MAP3K20: variants seen among roughly 807,000 people sequenced by gnomAD.
MAP3K20 encodes the protein mitogen-activated protein kinase kinase kinase 20.
MAP3K20 carries 40 observed loss-of-function variants against 85.7 expected under a neutral mutation model. That is an observed-to-expected ratio of 0.47 (90% CI 0.36 to 0.61). The LOEUF (loss-of-function observed/expected upper bound fraction) is 0.61, where lower values mean the gene tolerates loss of function less well. Among genes scored for constraint, MAP3K20 ranks in the 20% least tolerant of loss-of-function variants. MAP3K20 has a pLI of 0.00. For synonymous variants in MAP3K20, 325 were observed against 327.7 expected (o/e 0.99, Z 0.09); for missense variants, 817 against 961.7 (o/e 0.85, Z 1.99).
intron 2 of MAP3K20, among the ~76,000 whole-genome samples, chr2:173,121,727 C>T (rs941512510): frequency 6.6e-6 from 1 of 152,098 alleles, no homozygotes; most frequent in Admixed American, 6.6e-5. Context: ...CTATTCCATT[C>T]AGCATGGATG....
intron 19 of MAP3K20, among the ~76,000 whole-genome samples, chr2:173,265,335 T>G (rs1685395383): frequency 6.6e-6 from 1 of 152,242 alleles, no homozygotes; most frequent in Admixed American, 6.5e-5. Context: ...AACTTGCTTA[T>G]TCACTGAAAT....
chr2:173,125,954 G>A (rs977423848), intron 2 of MAP3K20, among the ~76,000 whole-genome samples: 19 of 152,040 alleles, frequency 1.2e-4, no homozygotes, highest in African/African-American at 4.1e-4. Context: ...GAACCACTGC[G>A]CCTGGCCCCT....
intron 16 of MAP3K20, among the ~76,000 whole-genome samples, chr2:173,242,092 G>T (rs1258020036): frequency 6.6e-6 from 1 of 151,748 alleles, no homozygotes; most frequent in African/African-American, 2.4e-5. Context: ...TTTAAGCTTT[G>T]TTATGGCTTG....
chr2:173,253,589 G>A (rs1431502967), intron 16 of MAP3K20, among the ~76,000 whole-genome samples: 1 of 152,118 alleles, frequency 6.6e-6, no homozygotes, highest in Non-Finnish European at 1.5e-5. Context: ...TGAATAACAG[G>A]AGCATTTCAG....
At chr2:173,118,906 C>A (rs1201727490) in intron 2 of MAP3K20, among the ~76,000 whole-genome samples, 1 of 152,116 alleles carries the variant, frequency 6.6e-6, no homozygotes, top group Admixed American at 6.5e-5. Flanking sequence ...TACAGTTTGT[C>A]AATTGTATAT....
intron 3 of MAP3K20, among the ~76,000 whole-genome samples, chr2:173,173,467 T>C (rs1690066888): frequency 6.6e-6 from 1 of 152,142 alleles, no homozygotes; most frequent in African/African-American, 2.4e-5. Context: ...TTAGCCTCTA[T>C]TACTCGTCTA....
Position 173,242,495 on chromosome 2 carries a change from A to G in MAP3K20, c.1359+2999A>G, listed in dbSNP as rs969528152. ...GAAAATATTTTCAATTAAAAAAGAAATAATTTATTAATAATGGAAAACTGA... is the reference window on the plus strand; with the variant it reads ...GAAAATATTTTCAATTAAAAAAGAAGTAATTTATTAATAATGGAAAACTGA... On this transcript the variant is annotated intron_variant, in intron 16 of 19. Transcript: ENST00000375213. 2.2e-4 allele frequency among the ~76,000 whole-genome samples: 33 copies of G among 151,958 alleles called. 1 individual carries two copies. Among genetic ancestry groups the G allele is most frequent in the Non-Finnish European group, 4.4e-5 (3 of 67,996 alleles).
At chr2:173,099,302 TG>T (rs1386760232) in intron 2 of MAP3K20, among the ~76,000 whole-genome samples, 4 of 115,942 alleles carry the variant, frequency 3.4e-5, no homozygotes, top group Non-Finnish European at 5.2e-5. Context: ...CTGTTGTTTT[TG>T]TTTGTTTGTT....
At chr2:173,176,325 T>G (rs547026067) in intron 3 of MAP3K20, among the ~76,000 whole-genome samples, 1 of 152,236 alleles carries the variant, frequency 6.6e-6, no homozygotes, top group South Asian at 2.1e-4. Context: ...AATAAAAACA[T>G]AACATTGTAT....
chr2:173,213,330 TC>T (rs1219186585), intron 10 of MAP3K20, among the ~76,000 whole-genome samples: 2 of 152,208 alleles, frequency 1.3e-5, no homozygotes, highest in Non-Finnish European at 2.9e-5. Context: ...CTAAGGGGCC[TC>T]CTCATCTTTC....
chr2:173,187,902 A>T (rs1690536286), intron 5 of MAP3K20, among the ~76,000 whole-genome samples: 1 of 152,242 alleles, frequency 6.6e-6, no homozygotes, highest in African/African-American at 2.4e-5. Flanking sequence ...TATTTCAGCC[A>T]AATTTTTCAA....
chr2:173,148,809 A>T (rs1689211654), intron 2 of MAP3K20, among the ~76,000 whole-genome samples: 1 of 152,122 alleles, frequency 6.6e-6, no homozygotes, highest in Admixed American at 6.5e-5. Flanking sequence ...CACTTCTTTG[A>T]CTGTATAGCT....
rs60703746 is a variant in MAP3K20 at position 173,091,445 on chromosome 2, C to G, written c.159+255C>G. On this transcript the variant is annotated intron_variant, in intron 2 of 19. Transcript: ENST00000375213. The stretch of plus-strand genomic sequence containing the variant: ...TCCAGGGCATGAAAGACCAAATGTT[C>G]TCTGAGCTCTCCTGGAGGCAGAGGT... Among the ~76,000 whole-genome samples, 385 of 152,270 alleles carry G rather than the reference C, an allele frequency of 2.5e-3. 3 individuals carry two copies. Among genetic ancestry groups the G allele is most frequent in the African/African-American group, 8.9e-3 (371 of 41,552 alleles).
chr2:173,118,851 C>G (rs1167890837), intron 2 of MAP3K20, among the ~76,000 whole-genome samples: 2 of 152,056 alleles, frequency 1.3e-5, no homozygotes, highest in African/African-American at 2.4e-5. Context: ...AAAATGTTAT[C>G]AAATTAATGG....
In MAP3K20 at chr2:173,090,932, G is replaced by A; in HGVS notation, c.-34-66G>A. The A allele has an allele frequency of 2.7e-6, 4 of 1,481,332 alleles. No homozygotes were observed. In the East Asian group the frequency reaches 6.9e-5, roughly 26 times the overall value. 91.8% of individuals were successfully genotyped at this position (1,481,332 alleles called of 1,614,324 possible). A position where few individuals can be genotyped will look rare whatever the true frequency, so the allele number is the denominator to read the frequency against. On this transcript the variant is annotated intron_variant, in intron 1 of 19. Coordinates refer to ENST00000375213, the MANE Select transcript of MAP3K20 (RefSeq NM_016653.3). ...ACTCGTTCATGATATATTATCTAAA[G>A]TAGGATTCAGAGGATTTAGCCTAAT... is the stretch of plus-strand genomic sequence containing the variant.
intron 2 of MAP3K20, among the ~76,000 whole-genome samples, chr2:173,108,466 A>G (rs1473722118): frequency 1.3e-5 from 2 of 152,166 alleles, no homozygotes; most frequent in African/African-American, 4.8e-5. Context: ...TTTTAATTAC[A>G]CATGTCCTGT....
In MAP3K20 at chr2:173,091,186, A is replaced by G. The variant is rs1251556221; in HGVS notation, c.155A>G (p.Lys52Arg). ...GTAAAGAAGCTCCTCAAAATAGAGA[A>G]AGAGGTAAGGTCTTTTCCAGCTGAC... ...VAVKKLLKIE[K>R]EAEILSVLSH... Residue 52 changes from lysine to arginine, a missense_variant, in exon 2 of 20, where the codon AAA becomes AGA. By Grantham distance (26) the Lys-to-Arg change is conservative (BLOSUM62 2). Coordinates refer to ENST00000375213, the MANE Select transcript of MAP3K20 (RefSeq NM_016653.3). 3 of 1,611,946 alleles carry G rather than the reference A, an allele frequency of 1.9e-6. No individual in the cohort carries two copies. The highest frequency in any genetic ancestry group is 2.5e-6 in the Non-Finnish European group (3 of 1,179,024).
At chr2:173,181,947 T>G (rs1690343672) in intron 3 of MAP3K20, among the ~76,000 whole-genome samples, 1 of 150,654 alleles carries the variant, frequency 6.6e-6, no homozygotes, top group Admixed American at 6.6e-5. Context: ...TCCCAGCTAC[T>G]TGGGAGGCTG....
chr2:173,157,092 T>C (rs1044388998), intron 2 of MAP3K20, among the ~76,000 whole-genome samples: 9 of 152,174 alleles, frequency 5.9e-5, no homozygotes, highest in African/African-American at 2.2e-4. Context: ...GGAAAGATGG[T>C]GGCTGGAGTG....
Sources: allele counts gnomAD v4.1 joint callset (sites outside exome capture counted in the v4.1 genomes callset), GRCh38; gene constraint gnomAD v4.1.1; transcripts MANE v1.5; gene names NCBI Gene and HGNC (gene_info 2026-07-23, HGNC 2026-07-21).